The following PHACTR4 variants were observed in gnomAD, a reference collection of about 807,000 sequenced individuals.
PHACTR4 encodes protein phosphatase 1, regulatory subunit 124.
Under a neutral mutation model 72.7 loss-of-function variants are expected in PHACTR4, and 51 were observed. The observed-to-expected ratio is 0.70, with a 90% CI of 0.56 to 0.89. The LOEUF (loss-of-function observed/expected upper bound fraction) is 0.89. Among genes scored for constraint, PHACTR4 ranks in the 40% least tolerant of loss-of-function variants. The pLI is 0.00. For synonymous variants in PHACTR4, 255 were observed against 302.5 expected (o/e 0.84, Z 1.63); for missense variants, 731 against 861.8 (o/e 0.85, Z 1.90).
At chr1:28,480,740 G>A in intron 9 of PHACTR4, 136 bp downstream of exon 9, 2 of 1,159,554 alleles carry the variant, frequency 1.7e-6, no homozygotes, top group Admixed American at 4.0e-5. Context: ...ACCCAGGCTG[G>A]AGTAGTGGCG....
intron 2 of PHACTR4, among the ~76,000 whole-genome samples, chr1:28,418,318 A>AAT (rs1553189231): frequency 2.0e-5 from 3 of 151,276 alleles, no homozygotes; most frequent in African/African-American, 7.3e-5. Flanking sequence ...CAAAAAAAAA[A>AAT]AATAATAATA....
intron 2 of PHACTR4, among the ~76,000 whole-genome samples, chr1:28,452,129 A>G (rs947871146): frequency 2.0e-5 from 3 of 152,142 alleles, no homozygotes; most frequent in Admixed American, 2.0e-4. Context: ...ACAGGTTTCA[A>G]CTGTGTGGGT....
chr1:28,394,709 G>T (rs535680826), intron 1 of PHACTR4, among the ~76,000 whole-genome samples: 100 of 151,316 alleles, frequency 6.6e-4, no homozygotes, highest in Middle Eastern at 3.4e-3. Flanking sequence ...TGATTCTCCT[G>T]GCTCAGCCTC....
intron 2 of PHACTR4, among the ~76,000 whole-genome samples, chr1:28,439,707 C>T (rs770841100): frequency 2.6e-5 from 4 of 152,204 alleles, no homozygotes; most frequent in Non-Finnish European, 5.9e-5. Context: ...AGATAAACCT[C>T]ACACTATCCT....
intron 2 of PHACTR4, chr1:28,432,914 A>AT (rs66647759): frequency 0.61 from 96,930 of 158,858 alleles, 29,958 homozygotes; most frequent in East Asian, 0.92. Context: ...TAATTTTTGT[A>AT]TTTTTTTTTT....
At chr1:28,405,233 T>C (rs1654233274) in intron 1 of PHACTR4, among the ~76,000 whole-genome samples, 1 of 152,188 alleles carries the variant, frequency 6.6e-6, no homozygotes, top group Admixed American at 6.6e-5. Flanking sequence ...ATAGGTTCCT[T>C]ATCAGATAGA....
At chr1:28,419,534 C>T (rs1393682423) in intron 2 of PHACTR4, among the ~76,000 whole-genome samples, 2 of 151,782 alleles carry the variant, frequency 1.3e-5, no homozygotes, top group Non-Finnish European at 2.9e-5. Context: ...CCTCTGCCTC[C>T]TGGGTTCAAG....
At chr1:28,386,925 G>A (rs1652601914) in intron 1 of PHACTR4, among the ~76,000 whole-genome samples, 3 of 152,108 alleles carry the variant, frequency 2.0e-5, no homozygotes, top group Admixed American at 2.0e-4. Flanking sequence ...TTGTTCTTTG[G>A]GAAAGCTTAG....
At chr1:28,474,200 C>T in intron 7 of PHACTR4, 49 bp downstream of exon 7, 1 of 1,486,310 alleles carries the variant, frequency 6.7e-7, no homozygotes, top group Non-Finnish European at 9.1e-7. Context: ...CTCTAGATAG[C>T]CCTGCTTGGA....
At chr1:28,388,636 G>A (rs6658649) in intron 1 of PHACTR4, among the ~76,000 whole-genome samples, 13,276 of 152,204 alleles carry the variant, frequency 0.087, 1,244 homozygotes, top group African/African-American at 0.24. Flanking sequence ...CAGATCACGA[G>A]GTCAAGAGAT....
chr1:28,494,511 G>A (rs1032751019), intron 13 of PHACTR4, among the ~76,000 whole-genome samples: 2 of 152,138 alleles, frequency 1.3e-5, no homozygotes, highest in African/African-American at 2.4e-5. Flanking sequence ...AAAATTAGCC[G>A]GGCATGGTGG....
chr1:28,426,153 G>A (rs376914279), intron 2 of PHACTR4, among the ~76,000 whole-genome samples: 3 of 151,544 alleles, frequency 2.0e-5, no homozygotes, highest in African/African-American at 7.3e-5. Context: ...CCCGGGAGGC[G>A]GAGGTTGCGG....
chr1:28,488,445 C>T (rs1351845829), intron 9 of PHACTR4, among the ~76,000 whole-genome samples: 3 of 152,046 alleles, frequency 2.0e-5, no homozygotes, highest in African/African-American at 4.8e-5. Context: ...TGTAGTGAGC[C>T]GAGATTGCAC....
intron 2 of PHACTR4, among the ~76,000 whole-genome samples, chr1:28,432,371 C>CTTT (rs112055906): frequency 5.1e-4 from 69 of 135,578 alleles, no homozygotes; most frequent in African/African-American, 1.6e-3. Context: ...CTCTCTCTCT[C>CTTT]TTTTTTTTTT....
At chr1:28,449,850 T>TAA (rs67892895) in intron 2 of PHACTR4, among the ~76,000 whole-genome samples, 1 of 138,102 alleles carries the variant, frequency 7.2e-6, no homozygotes. Context: ...ACACTCTGTA[T>TAA]AAAAAAAAAA....
Position 28,478,445 on chromosome 1 carries a change from T to G in PHACTR4, c.1607-2006T>G, listed in dbSNP as rs186466943. On this transcript the variant is annotated intron_variant, in intron 8 of 13. Coordinates refer to ENST00000373839, the MANE Select transcript of PHACTR4 (RefSeq NM_001048183.3). ...GGATCGTATGGTAGTTCTATTTTTT[T>G]TTTAATAGACGGAGGCTCACTCTGT... is the stretch of plus-strand genomic sequence containing the variant. Among the ~76,000 whole-genome samples, 8 of 152,252 alleles carry G rather than the reference T, an allele frequency of 5.3e-5. No homozygotes were observed. The East Asian group carries it at 1.5e-3, about 29-fold the overall frequency.
At chr1:28,468,289 G>T (rs1024506520) in intron 6 of PHACTR4, among the ~76,000 whole-genome samples, 1 of 152,128 alleles carries the variant, frequency 6.6e-6, no homozygotes, top group African/African-American at 2.4e-5. Flanking sequence ...TGAAGACATT[G>T]TGACTCATTC....
chr1:28,412,814 G>A (rs1302572612), intron 2 of PHACTR4, among the ~76,000 whole-genome samples: 1 of 152,188 alleles, frequency 6.6e-6, no homozygotes, highest in Non-Finnish European at 1.5e-5. Context: ...GAAGTCATGA[G>A]TAAAGTTAAG....
chr1:28,419,727 C>T (rs1010992431), intron 2 of PHACTR4, among the ~76,000 whole-genome samples: 7 of 152,034 alleles, frequency 4.6e-5, no homozygotes, highest in African/African-American at 1.7e-4. Flanking sequence ...GCTTTAGTTA[C>T]CCTAGGAATA....
Sources: gnomAD v4.1 joint callset for allele counts (sites outside exome capture counted in the v4.1 genomes callset) on GRCh38, gnomAD v4.1.1 for gene constraint, MANE v1.5 for transcripts, NCBI Gene and HGNC (gene_info 2026-07-23, HGNC 2026-07-21) for gene names.